Variants in AIRE observed in about 807,000 individuals in gnomAD.
The protein encoded by AIRE is autoimmune regulator.
Under a neutral mutation model 62.1 loss-of-function variants are expected in AIRE, and 52 were observed. The observed-to-expected ratio is 0.84, with a 90% CI of 0.67 to 1.06. The LOEUF (loss-of-function observed/expected upper bound fraction) is 1.06, where lower values mean the gene tolerates loss of function less well. Among genes scored for constraint, AIRE ranks in the 50% least tolerant of loss-of-function variants. The pLI is 0.00. For missense variants in AIRE, 774 were observed against 755.8 expected (o/e 1.02, Z -0.28); for synonymous variants, 342 against 321.6 (o/e 1.06, Z -0.68).
chr21:44,286,504 G>T lies in AIRE; in HGVS notation c.133-53G>T. 22 of 1,558,158 alleles carry T rather than the reference G, an allele frequency of 1.4e-5. No homozygotes were observed. Among genetic ancestry groups the T allele is most frequent in the Non-Finnish European group, 1.9e-5 (22 of 1,143,078 alleles). On this transcript the variant is annotated intron_variant, in intron 1 of 13. Transcript: ENST00000291582. The surrounding 1 kb of genome is among the most constrained non-coding windows in gnomAD (Gnocchi z 6.0). ...CCTCTAGTCATGATGGAGATGGGCAGGCCGCAGGGTGTGGGGGACCATGGC... is the reference window on the plus strand; with the variant it reads ...CCTCTAGTCATGATGGAGATGGGCATGCCGCAGGGTGTGGGGGACCATGGC...
rs200023541 is a variant in AIRE, at chr21:44,287,178, C to T, written c.463+45C>T. ...AGCCAGCCAGGGTCTCCAGTCTTCC[C>T]GGGCTTCCCCGGGAGCCCACGCCCC... On this transcript the variant is annotated intron_variant, in intron 3 of 13. Transcript: ENST00000291582. The surrounding 1 kb of genome is among the most constrained non-coding windows in gnomAD (Gnocchi z 4.3). 1.7e-4 allele frequency: 273 copies of T among 1,605,540 alleles called. No homozygotes were observed. The highest frequency in any genetic ancestry group is 1.5e-3 in the Admixed American group (90 of 59,864).
At chr21:44,290,434 A>G in intron 7 of AIRE, 1 of 984,986 alleles carries the variant, frequency 1.0e-6, no homozygotes, top group African/African-American at 1.7e-5. Context: ...TGGTTTCTTA[A>G]TGGGGTAGAA....
Position 44,294,437 on chromosome 21 carries a change from G to A in AIRE, c.1437G>A (p.Val479=), listed in dbSNP as rs181029582. 7.0e-5 allele frequency: 110 copies of A among 1,576,916 alleles called. 1 individual carries two copies. In the African/African-American group the frequency reaches 1.1e-3, roughly 16 times the overall value. ...GCTGCAGATCCTGCTCAGGAGACGT[G>A]ACCCCAGCCCCTGTGGAGGGGGTGC... ...GLRCRSCSGD[V]TPAPVEGVLA... Residue 479 remains valine (V), a synonymous_variant, in exon 12 of 14, where the codon GTG becomes GTA. Coordinates refer to ENST00000291582, the MANE Select transcript of AIRE (RefSeq NM_000383.4).
chr21:44,286,150 G>A lies in AIRE; in HGVS notation c.132+12G>A, dbSNP rs1276897416. On this transcript the variant is annotated intron_variant, in intron 1 of 13. Coordinates refer to ENST00000291582, the MANE Select transcript of AIRE (RefSeq NM_000383.4). This position sits in a 1 kb window ranked among gnomAD's most constrained non-coding sequence, Gnocchi z 6.0. ...AGGACAAGTTTCAGGTGGGCTCCCC[G>A]CCCGCCCCCCGCTGCCCCCAGGCCC... The A allele has an allele frequency of 1.6e-5, 19 of 1,178,066 alleles. No homozygotes were observed. In the Admixed American group the frequency reaches 2.4e-4, roughly 15 times the overall value. The allele number at this position is 1,178,066 out of a possible 1,614,324, so 73.0% of individuals were successfully genotyped here. A position where few individuals can be genotyped will look rare whatever the true frequency, so the allele number is the denominator to read the frequency against.
chr21:44,293,152 T>A lies in AIRE; in HGVS notation c.1255T>A (p.Cys419Ser). 1 of 1,576,356 alleles carries A rather than the reference T, an allele frequency of 6.3e-7. No individual in the cohort carries two copies. Among genetic ancestry groups the A allele is most frequent in the Non-Finnish European group, 8.6e-7 (1 of 1,160,976 alleles). The change falls in exon 10 of 14, where the codon TGT (cysteine) becomes AGT (serine). Residue 419 changes from cysteine to serine, a missense_variant. Cys to Ser is a moderately radical substitution (Grantham distance 112). Transcript: ENST00000291582. The stretch of plus-strand genomic sequence containing the variant: ...CTCCTCGGCCCTGCACCCCCTACTG[T>A]GTGTGGGTCCTGAGGGTCAGCAGGT... ...LDSSALHPLL[C>S]VGPEGQQNLA...
chr21:44,294,744 G>A (rs1285564092), intron 12 of AIRE, among the ~76,000 whole-genome samples: 2 of 152,206 alleles, frequency 1.3e-5, no homozygotes, highest in Admixed American at 6.5e-5. Flanking sequence ...CTGACGTCAC[G>A]GTTGGCTGTG....
chr21:44,292,497 C>T, intron 9 of AIRE, 96 bp downstream of exon 9: 1 of 854,564 alleles, frequency 1.2e-6, no homozygotes, highest in Non-Finnish European at 1.9e-6. Context: ...CGTCTGTCCC[C>T]TGGAGTCCTG....
chr21:44,295,455 T>C (rs1478983244), intron 12 of AIRE, among the ~76,000 whole-genome samples: 2 of 152,140 alleles, frequency 1.3e-5, no homozygotes, highest in Non-Finnish European at 2.9e-5. Flanking sequence ...CCCTTCCTTC[T>C]AGAAGCCTCC....
chr21:44,289,635 AC>A lies in AIRE; in HGVS notation c.653-20del, dbSNP rs753614288. 9.3e-6 allele frequency: 15 copies of A among 1,612,430 alleles called. No individual in the cohort carries two copies. In the South Asian group the frequency reaches 1.6e-4, roughly 18 times the overall value. ...GGTCCTGCTGGGCGGGTGAGCCAGGACCAGCCGGCATCTCCTCCCAGGCGGC... is the reference window on the plus strand; with the variant it reads ...GGTCCTGCTGGGCGGGTGAGCCAGGACAGCCGGCATCTCCTCCCAGGCGGC... On this transcript the variant is annotated intron_variant, in intron 5 of 13. Transcript: ENST00000291582.
chr21:44,288,166 T>G (rs1389119023), intron 4 of AIRE, among the ~76,000 whole-genome samples, 179 bp from the exon 5 acceptor site: 1 of 152,154 alleles, frequency 6.6e-6, no homozygotes, highest in African/African-American at 2.4e-5. Flanking sequence ...ACACACATTC[T>G]CATGTCTCTG....
At position 44,287,005 on chromosome 21, in the gene AIRE, G is replaced by C; in HGVS notation, c.335G>C (p.Gly112Ala). The change falls in exon 3 of 14, where the codon GGG becomes GCG. Residue 112 changes from glycine to alanine, a missense_variant. Coordinates refer to ENST00000291582, the MANE Select transcript of AIRE (RefSeq NM_000383.4). This position sits in a 1 kb window ranked among gnomAD's most constrained non-coding sequence, Gnocchi z 4.3. The stretch of plus-strand genomic sequence containing the variant: ...GTGGACCTCAGCCAGCCCCGGAAGG[G>C]GAGGAAGCCCCCGGCCGTCCCCAAG... ...KDVDLSQPRKGRKPPAVPKAL... is the reference protein window; with the variant it reads ...KDVDLSQPRKARKPPAVPKAL... 1 of 1,612,792 alleles carries C rather than the reference G, an allele frequency of 6.2e-7. No individual in the cohort carries two copies. The highest frequency in any genetic ancestry group is 8.5e-7 in the Non-Finnish European group (1 of 1,179,978).
chr21:44,289,441 G>A, intron 5 of AIRE: 1 of 604,190 alleles, frequency 1.7e-6, no homozygotes, highest in Admixed American at 3.0e-5. Context: ...TGAGGTTCTG[G>A]GTGGACGTGA....
In AIRE at chr21:44,287,507, C is replaced by T; in HGVS notation, c.464-10C>T. ...GGGGAGGCCAGGCTGCCCCCAGCTCCCCCATTCAGGCTCTCAACTGAAGGC... is the reference window on the plus strand; with the variant it reads ...GGGGAGGCCAGGCTGCCCCCAGCTCTCCCATTCAGGCTCTCAACTGAAGGC... On this transcript the variant is annotated splice_polypyrimidine_tract_variant and intron_variant, in intron 3 of 13. Coordinates refer to ENST00000291582, the MANE Select transcript of AIRE (RefSeq NM_000383.4). This position sits in a 1 kb window ranked among gnomAD's most constrained non-coding sequence, Gnocchi z 4.3. 1.3e-6 allele frequency: 2 copies of T among 1,550,960 alleles called. No homozygotes were observed. Among genetic ancestry groups the T allele is most frequent in the East Asian group, 2.4e-5 (1 of 41,192 alleles).
In AIRE at chr21:44,286,266, C is replaced by G; in HGVS notation, c.132+128C>G. On this transcript the variant is annotated intron_variant, in intron 1 of 13. Transcript: ENST00000291582. The surrounding 1 kb of genome is among the most constrained non-coding windows in gnomAD (Gnocchi z 6.0). ...CTCCAGCCTTCCCCAACTCCCTCCC[C>G]ACAAGGAGCCAGGGGCGTCCCTGAT... 1 of 1,117,372 alleles carries G rather than the reference C, an allele frequency of 8.9e-7. No individual in the cohort carries two copies. Among genetic ancestry groups the G allele is most frequent in the South Asian group, 1.4e-5 (1 of 70,202 alleles). 69.2% of individuals were successfully genotyped at this position (1,117,372 alleles called of 1,614,324 possible). A position where few individuals can be genotyped will look rare whatever the true frequency, so the allele number is the denominator to read the frequency against.
rs563869880 is a variant in AIRE, at chr21:44,293,922, T to A, written c.1400+12T>A. 2 of 1,595,888 alleles carry A rather than the reference T, an allele frequency of 1.3e-6. No homozygotes were observed. ...ACCTCCCGGCCCGGGTGAGTGAGCG[T>A]GGTCGGCGGGGAGGCCTGAACCCAC... On this transcript the variant is annotated intron_variant, in intron 11 of 13. Transcript: ENST00000291582.
In AIRE at chr21:44,297,866, T is replaced by C. The variant is rs540731422; in HGVS notation, c.*139T>C. 21 of 810,064 alleles carry C rather than the reference T, an allele frequency of 2.6e-5. No individual in the cohort carries two copies. The African/African-American group carries it at 3.4e-4, about 13-fold the overall frequency. 50.2% of individuals were successfully genotyped at this position (810,064 alleles called of 1,614,324 possible). On this transcript the variant is annotated 3_prime_UTR_variant, in exon 14 of 14. Coordinates refer to ENST00000291582, the MANE Select transcript of AIRE (RefSeq NM_000383.4). The surrounding 1 kb of genome is among the most constrained non-coding windows in gnomAD (Gnocchi z 4.8). ...GTCAGTGCTCGGCTGTAAACAGCTCTGTGTTTCTGGGGACACCAGCCATCA... is the reference window on the plus strand; with the variant it reads ...GTCAGTGCTCGGCTGTAAACAGCTCCGTGTTTCTGGGGACACCAGCCATCA...
chr21:44,292,002 A>G (rs1345492081), intron 8 of AIRE, among the ~76,000 whole-genome samples: 2 of 152,162 alleles, frequency 1.3e-5, no homozygotes, highest in African/African-American at 4.8e-5. Flanking sequence ...GGCCCCCGGC[A>G]GGGCCCAGCC....
At position 44,286,339 on chromosome 21, in the gene AIRE, C is replaced by A. The variant is rs1472875121; in HGVS notation, c.132+201C>A. On this transcript the variant is annotated intron_variant, in intron 1 of 13. Transcript: ENST00000291582. The surrounding 1 kb of genome is among the most constrained non-coding windows in gnomAD (Gnocchi z 6.0). ...TTCCCCCAGCCGTCCCCACACCTCA[C>A]CCCCAAGCCAAGGGAATGGCCTCCA... Among the ~76,000 whole-genome samples the A allele has an allele frequency of 5.3e-5, 8 of 151,728 alleles. No homozygotes were observed. Among genetic ancestry groups the A allele is most frequent in the Admixed American group, 4.6e-4 (7 of 15,256 alleles).
chr21:44,290,014 G>C lies in AIRE; in HGVS notation c.825G>C (p.Gln275His), dbSNP rs1027582142. ...APGGGEARLG[Q>H]QGSVPAPLAL... ...GTGGAGGTGAGGCTAGGCTGGGCCA[G>C]CAGGGCAGCGTTCCCGCCCCTCTGG... is the stretch of plus-strand genomic sequence containing the variant. The change falls in exon 7 of 14, where the codon CAG becomes CAC. Residue 275 changes from glutamine (Q) to histidine (H), a missense_variant. Transcript: ENST00000291582. 18 of 1,610,776 alleles carry C rather than the reference G, an allele frequency of 1.1e-5. No homozygotes were observed. The African/African-American group carries it at 2.3e-4, about 20-fold the overall frequency.
Sources: allele counts gnomAD v4.1 joint callset (sites outside exome capture counted in the v4.1 genomes callset), GRCh38; gene constraint gnomAD v4.1.1; non-coding constraint Gnocchi (gnomAD v3.1); transcripts MANE v1.5; gene names NCBI Gene and HGNC (gene_info 2026-07-23, HGNC 2026-07-21).